The following GABBR2 variants were observed in gnomAD, a reference collection of about 807,000 sequenced individuals.
GABBR2 encodes the protein gamma-aminobutyric acid type B receptor subunit 2.
A neutral mutation model predicts 105.6 loss-of-function variants in GABBR2; 23 were observed. That is an observed-to-expected ratio of 0.22 (90% confidence interval 0.16 to 0.31). The LOEUF is 0.31. GABBR2 is among the 10% of genes least tolerant of loss of function. The probability of loss-of-function intolerance (pLI) is 1.00; values close to 1 mark genes in which losing one functional copy is unlikely to be tolerated. For missense variants in GABBR2, 734 were observed against 1,245.5 expected (o/e 0.59, Z 6.18); for synonymous variants, 478 against 499.7 (o/e 0.96, Z 0.58).
chr9:98,475,176 A>T (rs779767563), intron 5 of GABBR2, among the ~76,000 whole-genome samples: 1 of 152,104 alleles, frequency 6.6e-6, no homozygotes, highest in South Asian at 2.1e-4. Context: ...GCAACCTCAG[A>T]TCACAGTCAT....
At chr9:98,556,634 C>A (rs1274904431) in intron 2 of GABBR2, among the ~76,000 whole-genome samples, 2 of 152,202 alleles carry the variant, frequency 1.3e-5, no homozygotes, top group Non-Finnish European at 2.9e-5. Flanking sequence ...GTAGAACACA[C>A]AGACCCAGCT....
chr9:98,637,672 G>C (rs1285008452), intron 1 of GABBR2, among the ~76,000 whole-genome samples: 2 of 152,064 alleles, frequency 1.3e-5, no homozygotes, highest in African/African-American at 4.8e-5. Flanking sequence ...GATCCAAGGG[G>C]ACCATGAGCC....
At chr9:98,611,303 C>T (rs1302901397) in intron 1 of GABBR2, among the ~76,000 whole-genome samples, 7 of 151,882 alleles carry the variant, frequency 4.6e-5, no homozygotes, top group Admixed American at 4.6e-4. Flanking sequence ...TTAGGCTTCA[C>T]TCACAGTCCC....
intron 9 of GABBR2, among the ~76,000 whole-genome samples, chr9:98,392,610 A>G (rs1233219860): frequency 6.6e-6 from 1 of 152,188 alleles, no homozygotes; most frequent in Non-Finnish European, 1.5e-5. Flanking sequence ...GGAACATGAC[A>G]GAGTCTAATC....
At chr9:98,636,858 A>G (rs982684102) in intron 1 of GABBR2, among the ~76,000 whole-genome samples, 5 of 151,924 alleles carry the variant, frequency 3.3e-5, no homozygotes, top group Non-Finnish European at 7.4e-5. Flanking sequence ...CAATCTCCCA[A>G]CCCACACTAA....
rs1163526193 is a variant in GABBR2, at chr9:98,531,314, G to A, written c.630+10559C>T. Among the ~76,000 whole-genome samples the A allele has an allele frequency of 3.3e-5, 5 of 152,128 alleles. No homozygotes were observed. The East Asian group carries it at 7.7e-4, about 23-fold the overall frequency. On this transcript the variant is annotated intron_variant, in intron 3 of 18. Transcript: ENST00000259455. ...TGAGGACCTGGTGTGGAGTGTTATG[G>A]GGGACCATCCACTAGGTCCTGAGGT...
rs114336094 is a variant in GABBR2 at position 98,671,539 on chromosome 9, T to C, written c.321+36878A>G. 7.5e-3 allele frequency among the ~76,000 whole-genome samples: 1,139 copies of C among 152,308 alleles called. 17 individuals are homozygous for C. The highest frequency in any genetic ancestry group is 0.026 in the African/African-American group (1,081 of 41,562). Reference sequence around the variant, plus strand: ...CTAGGAGTGGAACTGCTGGGTCATATGGTGACTCTATGTTTAATCATTTAA... The same window carrying C: ...CTAGGAGTGGAACTGCTGGGTCATACGGTGACTCTATGTTTAATCATTTAA... On this transcript the variant is annotated intron_variant, in intron 1 of 18. Transcript: ENST00000259455.
intron 13 of GABBR2, among the ~76,000 whole-genome samples, chr9:98,337,499 T>C (rs948369225): frequency 1.3e-4 from 20 of 152,264 alleles, no homozygotes; most frequent in African/African-American, 4.8e-4. Flanking sequence ...ATAAATCATA[T>C]GGAATCTCAA....
chr9:98,529,387 C>A (rs1400863535), intron 3 of GABBR2, among the ~76,000 whole-genome samples: 1 of 152,224 alleles, frequency 6.6e-6, no homozygotes, highest in Non-Finnish European at 1.5e-5. Flanking sequence ...AGAACATTTG[C>A]TGACCTGGGA....
chr9:98,483,552 G>A (rs772055654), intron 4 of GABBR2, among the ~76,000 whole-genome samples: 3 of 152,172 alleles, frequency 2.0e-5, no homozygotes, highest in Admixed American at 6.5e-5. Context: ...CAACTGACTT[G>A]TGCTCAATTC....
At chr9:98,609,315 T>C (rs1829473356) in intron 1 of GABBR2, among the ~76,000 whole-genome samples, 1 of 152,140 alleles carries the variant, frequency 6.6e-6, no homozygotes, top group Non-Finnish European at 1.5e-5. Context: ...TACATCACAG[T>C]CATCTTGCAG....
chr9:98,310,041 G>A (rs1038348655), intron 14 of GABBR2, among the ~76,000 whole-genome samples: 11 of 152,162 alleles, frequency 7.2e-5, no homozygotes, highest in African/African-American at 2.4e-4. Flanking sequence ...TCAAACGGGG[G>A]TGAATGGTGA....
At chr9:98,567,705 C>T (rs1028285730) in intron 2 of GABBR2, among the ~76,000 whole-genome samples, 7 of 152,174 alleles carry the variant, frequency 4.6e-5, no homozygotes, top group Non-Finnish European at 7.3e-5. Flanking sequence ...GAAGGGTGGA[C>T]GGGATTACCT....
chr9:98,345,589 A>G (rs905115222), intron 13 of GABBR2, among the ~76,000 whole-genome samples: 3 of 152,234 alleles, frequency 2.0e-5, no homozygotes, highest in Non-Finnish European at 4.4e-5. Context: ...ACATTGTACT[A>G]GAAGTTCTAG....
At chr9:98,320,457 A>C (rs2131374736) in intron 13 of GABBR2, among the ~76,000 whole-genome samples, 1 of 152,104 alleles carries the variant, frequency 6.6e-6, no homozygotes, top group South Asian at 2.1e-4. Flanking sequence ...ATACCATTTG[A>C]CCCAGCCATC....
intron 4 of GABBR2, among the ~76,000 whole-genome samples, chr9:98,489,237 C>T (rs1827123564): frequency 6.6e-6 from 1 of 152,152 alleles, no homozygotes; most frequent in Admixed American, 6.5e-5. Context: ...AATCTGTGGG[C>T]ACAAAGGGAG....
chr9:98,378,843 G>A (rs1417632212), intron 11 of GABBR2, among the ~76,000 whole-genome samples: 1 of 152,206 alleles, frequency 6.6e-6, no homozygotes. Context: ...GTTGAGTTCA[G>A]TTTGTGAAAA....
intron 7 of GABBR2, among the ~76,000 whole-genome samples, chr9:98,449,970 C>G (rs1292731127): frequency 2.6e-5 from 4 of 152,096 alleles, no homozygotes; most frequent in Non-Finnish European, 5.9e-5. Flanking sequence ...CAGAACTTGC[C>G]TTGAGTTAAG....
Position 98,385,747 on chromosome 9 carries a change from T to C in GABBR2, c.1555A>G (p.Met519Val). 6.2e-7 allele frequency: 1 copy of C among 1,610,566 alleles called. No individual in the cohort carries two copies. The highest frequency in any genetic ancestry group is 8.5e-7 in the Non-Finnish European group (1 of 1,176,724). The change falls in exon 11 of 19, where the codon ATG (methionine) becomes GTG (valine). Residue 519 changes from methionine (M) to valine (V), a missense_variant. Transcript: ENST00000259455. ...QKLIKMSSPY[M>V]NNLIILGGML... ...CCTCCAAGGATGATAAGGTTGTTCA[T>C]GTATGGACTCGACATCTTTATGAGC...
Sources: gnomAD v4.1 joint callset for allele counts (sites outside exome capture counted in the v4.1 genomes callset) on GRCh38, gnomAD v4.1.1 for gene constraint, MANE v1.5 for transcripts, NCBI Gene and HGNC (gene_info 2026-07-23, HGNC 2026-07-21) for gene names.